The following HTT variants were observed in gnomAD, a reference collection of about 807,000 sequenced individuals.
HTT encodes the protein huntington disease protein.
A neutral mutation model predicts 362.3 loss-of-function variants in HTT; 104 were observed. The observed-to-expected ratio is 0.29, with a 90% CI of 0.24 to 0.34. HTT has a LOEUF of 0.34. HTT is among the 10% of genes least tolerant of loss of function. HTT has a pLI of 1.00. For synonymous variants in HTT, 1,577 were observed against 1,548.7 expected (o/e 1.02, Z -0.43); for missense variants, 3,301 against 3,928.6 (o/e 0.84, Z 4.27).
chr4:3,208,249 T>G (rs1719965808), intron 45 of HTT, among the ~76,000 whole-genome samples: 1 of 152,232 alleles, frequency 6.6e-6, no homozygotes, highest in African/African-American at 2.4e-5. Flanking sequence ...TGGCGGGAGA[T>G]AAACTATTAT....
chr4:3,204,269 A>G, intron 42 of HTT, 121 bp downstream of exon 42: 2 of 876,158 alleles, frequency 2.3e-6, no homozygotes, highest in Non-Finnish European at 3.6e-6. Flanking sequence ...GCCAAGCTCC[A>G]TCGAAACTAA....
chr4:3,122,838 T>A, intron 9 of HTT, 51 bp from the exon 10 acceptor site: 1 of 1,466,030 alleles, frequency 6.8e-7, no homozygotes, highest in Non-Finnish European at 9.4e-7. Flanking sequence ...TCACATTTCT[T>A]CTAGATTTTA....
At chr4:3,136,384 G>A in intron 21 of HTT, 58 bp downstream of exon 21, 1 of 862,186 alleles carries the variant, frequency 1.2e-6, no homozygotes, top group Non-Finnish European at 1.9e-6. Context: ...AAAGATACGA[G>A]AATGGAAAGA....
At position 3,220,294 on chromosome 4, in the gene HTT, G is replaced by T; in HGVS notation, c.7355G>T (p.Arg2452Leu). 6.2e-7 allele frequency: 1 copy of T among 1,613,938 alleles called. No homozygotes were observed. ...EKEVFKEFIY[R>L]INTLGWTSRT... ...GAAGTCTTTAAGGAGTTCATCTACC[G>T]CATCAACACACTAGGTACTCTTGGG... The change falls in exon 53 of 67, where the codon CGC (arginine) becomes CTC (leucine). Residue 2452 changes from arginine (R) to leucine (L), a missense_variant. By Grantham distance (102) the Arg-to-Leu change is moderately radical (BLOSUM62 -2). This residue lies in a region of HTT where 753 missense variants were observed against 1,021.3 expected (regional missense o/e 0.74). Transcript: ENST00000355072.
At chr4:3,078,037 C>A (rs1712657242) in intron 1 of HTT, among the ~76,000 whole-genome samples, 1 of 151,972 alleles carries the variant, frequency 6.6e-6, no homozygotes, top group African/African-American at 2.4e-5. Flanking sequence ...CATGCATGGG[C>A]CTCAGTTTAT....
At position 3,240,298 on chromosome 4, in the gene HTT, G is replaced by GAGC. The variant is rs1006811591; in HGVS notation, c.*243_*245dup. 8.7e-6 allele frequency: 5 copies of GAGC among 575,240 alleles called. No individual in the cohort carries two copies. In the Admixed American group the frequency reaches 1.5e-4, roughly 18 times the overall value. 35.6% of individuals were successfully genotyped at this position (575,240 alleles called of 1,614,324 possible). A position where few individuals can be genotyped will look rare whatever the true frequency, so the allele number is the denominator to read the frequency against. On this transcript the variant is annotated 3_prime_UTR_variant, in exon 67 of 67. Transcript: ENST00000355072. ...GAGCCTGAGGCCTTCCAGAAAGCAG[G>GAGC]AGCAGCTGTGCTGCACCCCATGTGG...
At chr4:3,210,747 G>A (rs886064727) in intron 47 of HTT, among the ~76,000 whole-genome samples, 1 of 152,152 alleles carries the variant, frequency 6.6e-6, no homozygotes, top group African/African-American at 2.4e-5. Flanking sequence ...GGGCACCTGG[G>A]AGGACAAATG....
Position 3,178,428 on chromosome 4 carries a change from A to G in HTT, c.4594A>G (p.Arg1532Gly). 6.2e-7 allele frequency: 1 copy of G among 1,613,846 alleles called. No individual in the cohort carries two copies. The highest frequency in any genetic ancestry group is 8.5e-7 in the Non-Finnish European group (1 of 1,179,828). The change falls in exon 35 of 67, where the codon AGG (arginine) becomes GGG (glycine). Residue 1532 changes from arginine to glycine, a missense_variant. Physicochemically the swap from Arg to Gly is moderately radical, Grantham distance 125. Coordinates refer to ENST00000355072, the MANE Select transcript of HTT (RefSeq NM_001388492.1). ...QLCDGIMASGRKAVTHAIPAL... is the reference protein window; with the variant it reads ...QLCDGIMASGGKAVTHAIPAL... ...CTGTGATGGCATCATGGCCAGTGGA[A>G]GGAAGGCTGTGACACATGGTAACGG...
intron 60 of HTT, among the ~76,000 whole-genome samples, chr4:3,232,735 C>T (rs781566117): frequency 3.2e-4 from 49 of 152,228 alleles, no homozygotes; most frequent in Admixed American, 2.6e-4. Context: ...CCAGCGGGGT[C>T]GTGCAGGACG....
chr4:3,230,176 C>A, intron 60 of HTT, 134 bp downstream of exon 60: 1 of 687,946 alleles, frequency 1.5e-6, no homozygotes, highest in Non-Finnish European at 2.5e-6. Context: ...ACTCCACGGC[C>A]CACGTGAGCT....
rs557820464 is a variant in HTT at position 3,166,291 on chromosome 4, G to A, written c.3864+5899G>A. On this transcript the variant is annotated intron_variant, in intron 29 of 66. Coordinates refer to ENST00000355072, the MANE Select transcript of HTT (RefSeq NM_001388492.1). ...GCCTGATCCTTCCTCTGGAAACATCGTCCCAGAGCACGAAGGTGTCTGCCT... is the reference window on the plus strand; with the variant it reads ...GCCTGATCCTTCCTCTGGAAACATCATCCCAGAGCACGAAGGTGTCTGCCT... 5.3e-5 allele frequency among the ~76,000 whole-genome samples: 8 copies of A among 152,270 alleles called. No homozygotes were observed. The South Asian group carries it at 6.2e-4, about 12-fold the overall frequency.
At chr4:3,113,331 A>T (rs1714857565) in intron 6 of HTT, among the ~76,000 whole-genome samples, 1 of 147,612 alleles carries the variant, frequency 6.8e-6, no homozygotes, top group East Asian at 2.0e-4. Context: ...TCATACAATG[A>T]TTTTTTTTTT....
intron 3 of HTT, among the ~76,000 whole-genome samples, chr4:3,100,810 C>T (rs145606901): frequency 7.7e-4 from 118 of 152,352 alleles, no homozygotes; most frequent in African/African-American, 2.7e-3. Flanking sequence ...TCATTGCAGC[C>T]TTGAGCTACC....
chr4:3,223,893 C>T (rs1415516403), intron 55 of HTT, 99 bp from the exon 56 acceptor site: 6 of 1,262,768 alleles, frequency 4.8e-6, no homozygotes, highest in Non-Finnish European at 6.8e-6. Context: ...GGTATTACAC[C>T]AGGTTCCTTT....
rs750624963 is a variant in HTT, at chr4:3,228,715, C to T, written c.7949C>T (p.Ser2650Leu). The change falls in exon 58 of 67, where the codon TCG becomes TTG. Residue 2650 changes from serine to leucine, a missense_variant. By Grantham distance (145) the Ser-to-Leu change is moderately radical. This residue lies in a region of HTT where 753 missense variants were observed against 1,021.3 expected (regional missense o/e 0.74). Transcript: ENST00000355072. This position sits in a 1 kb window ranked among gnomAD's most constrained non-coding sequence, Gnocchi z 4.3. ...EEEEADAPAP[S>L]SPPTSPVNSR... ...GAGGAGGCCGACGCCCCTGCACCTTCGTCACCACCCACGTCTCCAGTCAAC... is the reference window on the plus strand; with the variant it reads ...GAGGAGGCCGACGCCCCTGCACCTTTGTCACCACCCACGTCTCCAGTCAAC... 8.1e-6 allele frequency: 13 copies of T among 1,605,422 alleles called. No homozygotes were observed. The highest frequency in any genetic ancestry group is 1.1e-5 in the South Asian group (1 of 90,274).
intron 19 of HTT, among the ~76,000 whole-genome samples, chr4:3,135,284 A>C (rs1438516707): frequency 1.3e-5 from 2 of 151,892 alleles, no homozygotes; most frequent in South Asian, 4.1e-4. Context: ...GATTGTGGCC[A>C]TTGCACTTCA....
chr4:3,198,170 C>T (rs1367530386), intron 40 of HTT, among the ~76,000 whole-genome samples: 1 of 143,402 alleles, frequency 7.0e-6, no homozygotes, highest in Non-Finnish European at 1.5e-5. Context: ...AGCCTGTACT[C>T]TGTTTTTACC....
intron 8 of HTT, among the ~76,000 whole-genome samples, chr4:3,120,416 C>G (rs992100325): frequency 1.3e-5 from 2 of 152,138 alleles, no homozygotes; most frequent in African/African-American, 4.8e-5. Context: ...TGTGATATAG[C>G]AGGGGTCCCC....
chr4:3,091,703 A>G (rs1255519458), intron 2 of HTT, among the ~76,000 whole-genome samples: 2 of 152,228 alleles, frequency 1.3e-5, no homozygotes, highest in Non-Finnish European at 2.9e-5. Flanking sequence ...ATTTTGTTAT[A>G]GAAACTCAAG....
Sources: allele counts gnomAD v4.1 joint callset (sites outside exome capture counted in the v4.1 genomes callset), GRCh38; gene constraint gnomAD v4.1.1; regional missense constraint gnomAD v4.1.1; non-coding constraint Gnocchi (gnomAD v3.1); transcripts MANE v1.5; gene names NCBI Gene and HGNC (gene_info 2026-07-23, HGNC 2026-07-21).